PYHIN1: variants seen among roughly 807,000 people sequenced by gnomAD.
PYHIN1 encodes pyrin and HIN domain family member 1.
A neutral mutation model predicts 43.7 loss-of-function variants in PYHIN1; 32 were observed. The observed-to-expected ratio is 0.73, with a 90% CI of 0.55 to 0.98. The LOEUF (loss-of-function observed/expected upper bound fraction) is 0.98. PYHIN1 is among the 50% of genes least tolerant of loss of function. The probability of loss-of-function intolerance (pLI) is 0.00; values close to 1 mark genes in which losing one functional copy is unlikely to be tolerated. For missense variants in PYHIN1, 588 were observed against 589.5 expected (o/e 1.00, Z 0.03); for synonymous variants, 205 against 203.1 (o/e 1.01, Z -0.08).
intron 7 of PYHIN1, among the ~76,000 whole-genome samples, chr1:158,954,577 G>C (rs1284067456): frequency 6.6e-6 from 1 of 151,718 alleles, no homozygotes; most frequent in African/African-American, 2.4e-5. Context: ...CACCAGGCCT[G>C]CCTTAAAAGA....
downstream of PYHIN1, among the ~76,000 whole-genome samples, chr1:158,981,825 A>G (rs918123812): frequency 1.3e-5 from 2 of 152,148 alleles, no homozygotes; most frequent in Admixed American, 6.5e-5. Flanking sequence ...TGACTTTTTA[A>G]TAGCAGCTAT....
chr1:158,953,851 GA>G (rs1428253965), intron 7 of PYHIN1, among the ~76,000 whole-genome samples: 2 of 149,746 alleles, frequency 1.3e-5, no homozygotes, highest in African/African-American at 2.5e-5. Context: ...TGAAAACTTT[GA>G]AAAAAAATTA....
At chr1:158,982,968 A>G in the PYHIN1 span, among the ~76,000 whole-genome samples, 1 of 152,078 alleles carries the variant, frequency 6.6e-6, no homozygotes, top group Admixed American at 6.6e-5. Flanking sequence ...TAGAAATGCT[A>G]CTAATTTTTG....
At chr1:158,971,423 A>AAG (rs1650925652) in intron 7 of PYHIN1, among the ~76,000 whole-genome samples, 1 of 149,290 alleles carries the variant, frequency 6.7e-6, no homozygotes, top group Admixed American at 6.8e-5. Flanking sequence ...TTACATTAAC[A>AAG]AGATATATAT....
intron 7 of PYHIN1, among the ~76,000 whole-genome samples, chr1:158,953,535 A>G (rs1649718291): frequency 6.6e-6 from 1 of 151,112 alleles, no homozygotes; most frequent in Non-Finnish European, 1.5e-5. Flanking sequence ...CCTGCAGCTG[A>G]GGGTCCTGTC....
In PYHIN1 at chr1:158,975,003, G is replaced by T. The variant is rs185297357; in HGVS notation, c.*5+1232G>T. 1.2e-3 allele frequency among the ~76,000 whole-genome samples: 185 copies of T among 152,094 alleles called. 1 individual carries two copies. The highest frequency in any genetic ancestry group is 1.6e-3 in the Non-Finnish European group (108 of 67,934). On this transcript the variant is annotated intron_variant, in intron 8 of 8. Coordinates refer to ENST00000368140, the MANE Select transcript of PYHIN1 (RefSeq NM_152501.5). ...TCTACCATTTTAAATACGCATTATG[G>T]TCTGTTTCTATAGCCGTTAGATTTA...
chr1:158,935,293 G>GT (rs1208392404), intron 1 of PYHIN1, among the ~76,000 whole-genome samples: 1 of 144,850 alleles, frequency 6.9e-6, no homozygotes, highest in Non-Finnish European at 1.5e-5. Flanking sequence ...AGTGCCAGAG[G>GT]TTAAAAAAAA....
chr1:158,938,616 T>C, intron 3 of PYHIN1, 74 bp downstream of exon 3: 3 of 1,455,954 alleles, frequency 2.1e-6, no homozygotes, highest in Non-Finnish European at 2.8e-6. Flanking sequence ...ACTCAATCTG[T>C]CCAGCAGGCA....
chr1:158,950,747 A>G (rs1373123122), intron 7 of PYHIN1, among the ~76,000 whole-genome samples: 2 of 152,008 alleles, frequency 1.3e-5, no homozygotes, highest in African/African-American at 4.8e-5. Context: ...CTGTTTCTTG[A>G]GCATATTTTT....
At chr1:158,935,422 A>T (rs1384696794) in intron 1 of PYHIN1, among the ~76,000 whole-genome samples, 1 of 152,192 alleles carries the variant, frequency 6.6e-6, no homozygotes, top group Non-Finnish European at 1.5e-5. Context: ...TGTGGTTTAT[A>T]GAGAGAAATG....
At chr1:158,963,308 C>T (rs1650435285) in intron 7 of PYHIN1, among the ~76,000 whole-genome samples, 1 of 152,190 alleles carries the variant, frequency 6.6e-6, no homozygotes, top group South Asian at 2.1e-4. Flanking sequence ...GACCCTCTGG[C>T]TTGGGCCCAC....
chr1:158,934,824 G>A (rs939512002), intron 1 of PYHIN1, among the ~76,000 whole-genome samples: 6 of 152,152 alleles, frequency 3.9e-5, no homozygotes, highest in Admixed American at 2.0e-4. Context: ...CCGGGTTCAA[G>A]CAATTCTGTT....
At chr1:158,985,824 A>ATAT in the PYHIN1 span, among the ~76,000 whole-genome samples, 1 of 152,080 alleles carries the variant, frequency 6.6e-6, no homozygotes, top group Admixed American at 6.6e-5. Flanking sequence ...ACATAAACTC[A>ATAT]TATTTCTTGA....
downstream of PYHIN1, among the ~76,000 whole-genome samples, chr1:158,979,313 C>T (rs995146979): frequency 6.6e-6 from 1 of 152,150 alleles, no homozygotes; most frequent in Non-Finnish European, 1.5e-5. Flanking sequence ...TTCCCCCTTC[C>T]TCCAGCCCCA....
intron 7 of PYHIN1, among the ~76,000 whole-genome samples, chr1:158,957,756 G>T (rs1372739928): frequency 1.4e-5 from 2 of 145,066 alleles, no homozygotes; most frequent in Admixed American, 1.4e-4. Context: ...TTGACAAATG[G>T]GATCTAATTA....
chr1:158,962,444 C>T (rs1350523316), intron 7 of PYHIN1, among the ~76,000 whole-genome samples: 2 of 152,160 alleles, frequency 1.3e-5, no homozygotes, highest in African/African-American at 2.4e-5. Flanking sequence ...GAGAAGTGAT[C>T]GGACCGTTGT....
At chr1:158,954,158 C>A (rs1649770587) in intron 7 of PYHIN1, among the ~76,000 whole-genome samples, 1 of 23,984 alleles carries the variant, frequency 4.2e-5, no homozygotes, top group Admixed American at 4.6e-4. Context: ...GAGAATGGAA[C>A]CAAGTTGGAA....
At chr1:158,966,500 A>G (rs752673141) in intron 7 of PYHIN1, among the ~76,000 whole-genome samples, 29 of 152,290 alleles carry the variant, frequency 1.9e-4, no homozygotes, top group Admixed American at 2.6e-4. Flanking sequence ...AAAATCTAGC[A>G]GTACTTCAAA....
Position 158,937,162 on chromosome 1 carries a change from A to G in PYHIN1, c.252A>G (p.Arg84=), listed in dbSNP as rs377495874. The G allele has an allele frequency of 2.8e-5, 45 of 1,587,846 alleles. No homozygotes were observed. The highest frequency in any genetic ancestry group is 3.6e-5 in the Non-Finnish European group (42 of 1,169,284). ...TLGDLAETLK[R]EKLKVANKIE... ...GAGACCTTGCTGAAACTCTTAAAAGAGAAAAGTTAAAAGGTAATTGGGAAG... is the reference window on the plus strand; with the variant it reads ...GAGACCTTGCTGAAACTCTTAAAAGGGAAAAGTTAAAAGGTAATTGGGAAG... The change falls in exon 2 of 9, where the codon AGA becomes AGG. Residue 84 remains arginine (R), a synonymous_variant. Transcript: ENST00000368140.
Sources: gnomAD v4.1 joint callset for allele counts (sites outside exome capture counted in the v4.1 genomes callset) on GRCh38, gnomAD v4.1.1 for gene constraint, MANE v1.5 for transcripts, NCBI Gene and HGNC (gene_info 2026-07-23, HGNC 2026-07-21) for gene names.